ATP8A2: variants seen among roughly 807,000 people sequenced by gnomAD.
ATP8A2 encodes the protein ATPase phospholipid transporting 8A2.
In ATP8A2, 100 loss-of-function variants were observed where a neutral mutation model predicts 165.6. The observed-to-expected ratio is 0.60, with a 90% CI of 0.51 to 0.71. The LOEUF is 0.71. Among genes scored for constraint, ATP8A2 ranks in the 30% least tolerant of loss-of-function variants. The pLI is 0.00. For synonymous variants in ATP8A2, 543 were observed against 548.8 expected, an observed-to-expected ratio of 0.99 and a Z score of 0.15; for missense variants, 1,227 against 1,479.5, an observed-to-expected ratio of 0.83 and a Z score of 2.80.
rs189037747 is a variant in ATP8A2 at position 25,817,553 on chromosome 13, G to A, written c.2680-10565G>A. Among the ~76,000 whole-genome samples the A allele has an allele frequency of 2.7e-4, 41 of 152,078 alleles. 1 individual carries two copies. The East Asian group carries it at 7.7e-3, about 29-fold the overall frequency. On this transcript the variant is annotated intron_variant, in intron 27 of 36. Transcript: ENST00000381655. ...TTCTTGCGTTAGTTGGGATTTTAAC[G>A]GAAAAGAAAATGCCAGACTAAAGTA...
chr13:25,871,277 G>A, intron 33 of ATP8A2: 1 of 309,210 alleles, frequency 3.2e-6, no homozygotes, highest in Admixed American at 4.8e-5. Context: ...ATGTGGTTTT[G>A]AACTTTTCCT....
intron 24 of ATP8A2, among the ~76,000 whole-genome samples, chr13:25,675,044 T>C (rs1254570539): frequency 6.6e-6 from 1 of 152,222 alleles, no homozygotes; most frequent in African/African-American, 2.4e-5. Context: ...ATGCGAGTCA[T>C]CCTGTTTTAT....
intron 2 of ATP8A2, among the ~76,000 whole-genome samples, chr13:25,481,474 C>G (rs962122411): frequency 2.6e-5 from 4 of 152,106 alleles, no homozygotes; most frequent in Non-Finnish European, 4.4e-5. Flanking sequence ...ATTCTTAAAC[C>G]ATTTGTTCTT....
intron 27 of ATP8A2, among the ~76,000 whole-genome samples, chr13:25,818,963 T>C (rs1314890264): frequency 4.6e-5 from 7 of 152,202 alleles, no homozygotes; most frequent in Non-Finnish European, 1.0e-4. Context: ...TTCTTCTACA[T>C]AATTCTTTGA....
At chr13:25,881,999 A>G (rs1952992060) in intron 33 of ATP8A2, among the ~76,000 whole-genome samples, 1 of 152,150 alleles carries the variant, frequency 6.6e-6, no homozygotes, top group African/African-American at 2.4e-5. Context: ...CCACTGGGGC[A>G]AAGAGAAAAA....
chr13:25,428,952 G>T (rs1050537990), intron 1 of ATP8A2, among the ~76,000 whole-genome samples: 56 of 152,266 alleles, frequency 3.7e-4, no homozygotes, highest in African/African-American at 1.3e-3. Flanking sequence ...TCTGGGAAAT[G>T]CCCCCCAGCT....
At chr13:25,429,036 G>C (rs560499855) in intron 1 of ATP8A2, among the ~76,000 whole-genome samples, 3,606 of 152,176 alleles carry the variant, frequency 0.024, 147 homozygotes, top group African/African-American at 0.082. Context: ...AGTGCTATCT[G>C]CTGCCATACC....
At chr13:25,714,703 G>A (rs1415654135) in intron 25 of ATP8A2, among the ~76,000 whole-genome samples, 1 of 152,182 alleles carries the variant, frequency 6.6e-6, no homozygotes, top group Non-Finnish European at 1.5e-5. Flanking sequence ...CATGACAGTT[G>A]CTGAAGTTAT....
chr13:25,886,220 A>C (rs139590126), intron 33 of ATP8A2, among the ~76,000 whole-genome samples: 22 of 152,342 alleles, frequency 1.4e-4, no homozygotes, highest in African/African-American at 5.3e-4. Flanking sequence ...AAGCTTTCCA[A>C]ATTACTTAAT....
chr13:25,721,914 A>G (rs1170004035), intron 25 of ATP8A2, among the ~76,000 whole-genome samples: 2 of 152,230 alleles, frequency 1.3e-5, no homozygotes, highest in African/African-American at 2.4e-5. Context: ...ACACGCATGT[A>G]CAAGTTTTTG....
In ATP8A2 at chr13:25,643,742, GT is replaced by G. The variant is rs151259703; in HGVS notation, c.2211+54053del. 6.4e-5 allele frequency among the ~76,000 whole-genome samples: 9 copies of G among 140,106 alleles called. No individual in the cohort carries two copies. In the South Asian group the frequency reaches 6.9e-4, roughly 11 times the overall value. The allele number at this position is 140,106 out of a possible 152,430, so 91.9% of individuals were successfully genotyped here. A position where few individuals can be genotyped will look rare whatever the true frequency, so the allele number is the denominator to read the frequency against. Reference sequence around the variant, plus strand: ...TTCGTGATTGCTTTGGTTTTGTTTTGTTTTTTTTTTCAGTTCCAGATGAATT... The same window carrying G: ...TTCGTGATTGCTTTGGTTTTGTTTTGTTTTTTTTTCAGTTCCAGATGAATT... On this transcript the variant is annotated intron_variant, in intron 24 of 36. Coordinates refer to ENST00000381655, the MANE Select transcript of ATP8A2 (RefSeq NM_016529.6).
In ATP8A2 at chr13:25,610,883, C is replaced by CTTT. The variant is rs56730760; in HGVS notation, c.2211+21199_2211+21201dup. Among the ~76,000 whole-genome samples, 900 of 120,640 alleles carry CTTT rather than the reference C, an allele frequency of 7.5e-3. 26 individuals carry two copies. The highest frequency in any genetic ancestry group is 0.027 in the African/African-American group (834 of 30,896). The allele number at this position is 120,640 out of a possible 152,430, so 79.1% of individuals were successfully genotyped here. A position where few individuals can be genotyped will look rare whatever the true frequency, so the allele number is the denominator to read the frequency against. On this transcript the variant is annotated intron_variant, in intron 24 of 36. Transcript: ENST00000381655. ...CTCACTTCCTTGGTTAGGTATATTC[C>CTTT]TTTTTTTTTTTTTTTTTGCAGCTAT...
chr13:25,779,954 A>G (rs1184831937), intron 27 of ATP8A2, among the ~76,000 whole-genome samples: 2 of 152,222 alleles, frequency 1.3e-5, no homozygotes, highest in East Asian at 3.9e-4. Context: ...ACTATGAGTT[A>G]GTTGTTCAGG....
At chr13:25,465,248 AT>A (rs936093601) in intron 1 of ATP8A2, among the ~76,000 whole-genome samples, 25 of 151,870 alleles carry the variant, frequency 1.6e-4, no homozygotes, top group Admixed American at 2.6e-4. Flanking sequence ...TTTTTTGAAA[AT>A]TTTTTTTTCT....
intron 24 of ATP8A2, among the ~76,000 whole-genome samples, chr13:25,629,145 T>G (rs1294919044): frequency 6.6e-6 from 1 of 152,160 alleles, no homozygotes; most frequent in African/African-American, 2.4e-5. Context: ...ACCAGCATTG[T>G]ACCCTGCTCC....
chr13:25,588,644 C>T (rs981246059), intron 23 of ATP8A2, among the ~76,000 whole-genome samples: 3 of 152,194 alleles, frequency 2.0e-5, no homozygotes, highest in East Asian at 1.9e-4. Context: ...ATCCTTAATC[C>T]ATTATCTTAA....
chr13:25,537,035 A>C (rs1258664960), intron 6 of ATP8A2, among the ~76,000 whole-genome samples: 1 of 152,192 alleles, frequency 6.6e-6, no homozygotes, highest in Non-Finnish European at 1.5e-5. Context: ...CTGATTTGAA[A>C]GCCCCTGTTC....
intron 33 of ATP8A2, chr13:25,927,179 G>A (rs1033858497): frequency 2.8e-5 from 13 of 456,580 alleles, no homozygotes; most frequent in Admixed American, 9.4e-5. Context: ...CGTGCTGCAC[G>A]GCGGGTCCCT....
intron 34 of ATP8A2, among the ~76,000 whole-genome samples, chr13:25,967,735 C>A (rs1488664789): frequency 6.6e-6 from 1 of 152,124 alleles, no homozygotes; most frequent in Non-Finnish European, 1.5e-5. Context: ...CTGTTTCCAA[C>A]TAGTAGCTAG....
Sources: gnomAD v4.1 joint callset for allele counts (sites outside exome capture counted in the v4.1 genomes callset) on GRCh38, gnomAD v4.1.1 for gene constraint, MANE v1.5 for transcripts, NCBI Gene and HGNC (gene_info 2026-07-23, HGNC 2026-07-21) for gene names.